The following UBASH3A variants were observed in gnomAD, a reference collection of about 807,000 sequenced individuals.
UBASH3A encodes the protein ubiquitin-associated and SH3 domain-containing protein A.
In UBASH3A, 63 loss-of-function variants were observed where a neutral mutation model predicts 73.5. The ratio of observed to expected loss-of-function variants is 0.86; its 90% CI spans 0.70 to 1.06. The LOEUF (loss-of-function observed/expected upper bound fraction) is 1.06, where lower values mean the gene tolerates loss of function less well. Ranked by LOEUF, UBASH3A falls within the 50% of genes least tolerant of loss-of-function variation. UBASH3A has a pLI of 0.00. For missense variants in UBASH3A, 860 were observed against 859.0 expected (o/e 1.00, Z -0.02); for synonymous variants, 363 against 351.1 (o/e 1.03, Z -0.38).
intron 7 of UBASH3A, among the ~76,000 whole-genome samples, chr21:42,423,359 C>T: frequency 6.6e-6 from 1 of 152,236 alleles, no homozygotes; most frequent in Non-Finnish European, 1.5e-5. Flanking sequence ...GGCAGCTCCC[C>T]TGCTTGAGAG....
chr21:42,416,496 T>C lies in UBASH3A; in HGVS notation c.722T>C (p.Phe241Ser). Reference sequence around the variant, plus strand: ...CTGCATCTGACCTTGGCCCACAAGTTCTACCCCCACCACCAGAGGACGCTG... The same window carrying C: ...CTGCATCTGACCTTGGCCCACAAGTCCTACCCCCACCACCAGAGGACGCTG... ...KQLHLTLAHK[F>S]YPHHQRTLEQ... is the part of the protein sequence containing the mutation. The change falls in exon 6 of 15, where the codon TTC (phenylalanine) becomes TCC (serine). Residue 241 changes from phenylalanine to serine, a missense_variant. Transcript: ENST00000319294. The C allele has an allele frequency of 6.2e-7, 1 of 1,610,618 alleles. No homozygotes were observed. The highest frequency in any genetic ancestry group is 8.5e-7 in the Non-Finnish European group (1 of 1,178,544).
chr21:42,420,977 C>G (rs1264202245), intron 7 of UBASH3A, among the ~76,000 whole-genome samples: 1 of 152,200 alleles, frequency 6.6e-6, no homozygotes, highest in Non-Finnish European at 1.5e-5. Flanking sequence ...TCCTCCAGCT[C>G]TCATGAGAAT....
In UBASH3A at chr21:42,413,354, G is replaced by A; in HGVS notation, c.554-56G>A. 6.5e-7 allele frequency: 1 copy of A among 1,543,782 alleles called. No individual in the cohort carries two copies. The highest frequency in any genetic ancestry group is 8.9e-7 in the Non-Finnish European group (1 of 1,123,880). On this transcript the variant is annotated intron_variant, in intron 4 of 14. Coordinates refer to ENST00000319294, the MANE Select transcript of UBASH3A (RefSeq NM_018961.4). This position sits in a 1 kb window ranked among gnomAD's most constrained non-coding sequence, Gnocchi z 4.5. ...GGGAGCAGAGCCCAGCAGCAATGGT[G>A]GGATGGCTGGGTGGGCTTTCTTCCG...
chr21:42,432,987 G>GT (rs2053562337), intron 9 of UBASH3A, among the ~76,000 whole-genome samples: 3 of 152,144 alleles, frequency 2.0e-5, no homozygotes, highest in Admixed American at 6.5e-5. Flanking sequence ...CAATAAAACA[G>GT]TTTTTTTAGC....
Position 42,447,669 on chromosome 21 carries a change from A to ATT in UBASH3A, c.*476_*477insTT, listed in dbSNP as rs2053866455. The ATT allele has an allele frequency of 6.6e-6, 1 of 152,458 alleles. No homozygotes were observed. The highest frequency in any genetic ancestry group is 1.5e-5 in the Non-Finnish European group (1 of 68,384). The allele number at this position is 152,458 out of a possible 1,614,324, so 9.4% of individuals were successfully genotyped here. ...GTCAATAAAATGGTCCCAGAAAACC[A>ATT]TCGACCAGGTCAAAACTGGGTTGCT... is the stretch of plus-strand genomic sequence containing the variant. On this transcript the variant is annotated 3_prime_UTR_variant, in exon 15 of 15. Transcript: ENST00000319294.
At chr21:42,446,966 A>C in intron 14 of UBASH3A, 91 bp from the exon 15 acceptor site, 11 of 1,426,990 alleles carry the variant, frequency 7.7e-6, no homozygotes, top group Non-Finnish European at 9.6e-6. Flanking sequence ...CCTCCAAAGT[A>C]GAGGTGTGCC....
chr21:42,414,395 G>T (rs2053161466), intron 5 of UBASH3A, among the ~76,000 whole-genome samples: 1 of 152,140 alleles, frequency 6.6e-6, no homozygotes, highest in Non-Finnish European at 1.5e-5. Flanking sequence ...TCACACCCAG[G>T]CCCTCCCCCA....
chr21:42,416,971 C>T (rs2053225001), intron 6 of UBASH3A, among the ~76,000 whole-genome samples: 1 of 151,946 alleles, frequency 6.6e-6, no homozygotes. Context: ...CACCTGACAG[C>T]ATGTACCCCC....
chr21:42,404,197 C>A (rs777278250), intron 1 of UBASH3A, 139 bp downstream of exon 1: 2 of 422,290 alleles, frequency 4.7e-6, no homozygotes, highest in East Asian at 7.2e-5. Flanking sequence ...AAGACACTGC[C>A]TCTTCACAGG....
chr21:42,413,801 T>G lies in UBASH3A; in HGVS notation c.667+278T>G, dbSNP rs558097910. ...TGTATTTTCAGTATGAGCTTAGTGC[T>G]CTCTCCTTGGCCTCTCCAGGGAAAG... On this transcript the variant is annotated intron_variant, in intron 5 of 14. Transcript: ENST00000319294. The surrounding 1 kb of genome is among the most constrained non-coding windows in gnomAD (Gnocchi z 4.5). 2.6e-5 allele frequency among the ~76,000 whole-genome samples: 4 copies of G among 152,240 alleles called. No homozygotes were observed. The highest frequency in any genetic ancestry group is 1.3e-4 in the Admixed American group (2 of 15,292).
At chr21:42,420,445 A>C (rs1480936490) in intron 7 of UBASH3A, among the ~76,000 whole-genome samples, 1 of 152,206 alleles carries the variant, frequency 6.6e-6, no homozygotes, top group African/African-American at 2.4e-5. Flanking sequence ...CAAATGCAGA[A>C]CCTCCAGATA....
At chr21:42,415,318 T>C (rs1457784928) in intron 5 of UBASH3A, among the ~76,000 whole-genome samples, 1 of 151,838 alleles carries the variant, frequency 6.6e-6, no homozygotes, top group Admixed American at 6.6e-5. Flanking sequence ...AGGAAAGGAA[T>C]TTCCCCACCA....
At chr21:42,446,637 T>A (rs2053848616) in intron 14 of UBASH3A, among the ~76,000 whole-genome samples, 1 of 152,236 alleles carries the variant, frequency 6.6e-6, no homozygotes, top group Non-Finnish European at 1.5e-5. Flanking sequence ...TTCTTTTGGG[T>A]CTGAAAACTC....
chr21:42,447,119 G>C lies in UBASH3A; in HGVS notation c.1911G>C (p.Val637=). The C allele has an allele frequency of 6.2e-7, 1 of 1,614,112 alleles. No homozygotes were observed. The highest frequency in any genetic ancestry group is 8.5e-7 in the Non-Finnish European group (1 of 1,180,000). ...AAGAGGAAGGAAAATGGGAGTTGGT[G>C]AACCCACCGGTGAAGACCCTGACCC... is the stretch of plus-strand genomic sequence containing the variant. ...ENKEEGKWEL[V]NPPVKTLTHG... is the part of the protein sequence containing the mutation. Residue 637 remains valine, a synonymous_variant, in exon 15 of 15, where the codon GTG becomes GTC. Transcript: ENST00000319294.
chr21:42,445,449 C>T (rs2146616538), intron 14 of UBASH3A, among the ~76,000 whole-genome samples: 1 of 152,360 alleles, frequency 6.6e-6, no homozygotes, highest in Non-Finnish European at 1.5e-5. Flanking sequence ...ACCACACTGG[C>T]CACAGCTTGT....
Position 42,442,533 on chromosome 21 carries a change from C to A in UBASH3A, c.1568C>A (p.Thr523Asn), listed in dbSNP as rs1050617026. ...ACAAAATGGGAAGCTGGCAAAACCA[C>A]CCCAACCCTCATGAGCCTGGAAGAG... ...EWTKWEAGKTTPTLMSLEELK... is the reference protein window; with the variant it reads ...EWTKWEAGKTNPTLMSLEELK... The change falls in exon 12 of 15, where the codon ACC becomes AAC. Residue 523 changes from threonine (T) to asparagine (N), a missense_variant. Coordinates refer to ENST00000319294, the MANE Select transcript of UBASH3A (RefSeq NM_018961.4). 2.5e-5 allele frequency: 41 copies of A among 1,614,148 alleles called. No homozygotes were observed. Among genetic ancestry groups the A allele is most frequent in the Non-Finnish European group, 3.5e-5 (41 of 1,180,014 alleles).
At chr21:42,433,194 A>G (rs1162800852) in intron 9 of UBASH3A, among the ~76,000 whole-genome samples, 1 of 152,250 alleles carries the variant, frequency 6.6e-6, no homozygotes, top group African/African-American at 2.4e-5. Context: ...TCTGAAAGGA[A>G]ACTCCTGGTG....
chr21:42,418,174 G>A (rs191036496), intron 6 of UBASH3A, among the ~76,000 whole-genome samples: 3 of 152,016 alleles, frequency 2.0e-5, no homozygotes, highest in Admixed American at 2.0e-4. Flanking sequence ...GAGCCACCGC[G>A]CCTGGCCCCA....
At position 42,403,999 on chromosome 21, in the gene UBASH3A, C is replaced by A. The variant is rs1193189872; in HGVS notation, c.54C>A (p.Ser18Arg). The change falls in exon 1 of 15, where the codon AGC becomes AGA. Residue 18 changes from serine (S) to arginine (R), a missense_variant. Transcript: ENST00000319294. ...LYAKVSNKLKSRSSPSLLEPL... is the reference protein window; with the variant it reads ...LYAKVSNKLKRRSSPSLLEPL... ...CCAAGGTCTCCAACAAGCTCAAGAG[C>A]CGCAGCAGCCCCTCGCTCCTGGAGC... is the stretch of plus-strand genomic sequence containing the variant. The A allele has an allele frequency of 3.9e-6, 6 of 1,527,728 alleles. No individual in the cohort carries two copies. The highest frequency in any genetic ancestry group is 5.3e-6 in the Non-Finnish European group (6 of 1,133,556). The allele number at this position is 1,527,728 out of a possible 1,614,324, so 94.6% of individuals were successfully genotyped here.
Sources: gnomAD v4.1 joint callset for allele counts (sites outside exome capture counted in the v4.1 genomes callset) on GRCh38, gnomAD v4.1.1 for gene constraint, Gnocchi (gnomAD v3.1) non-coding constraint, MANE v1.5 for transcripts, NCBI Gene and HGNC (gene_info 2026-07-23, HGNC 2026-07-21) for gene names.